Variants in ANK2 observed in about 807,000 individuals in gnomAD.
ANK2 encodes ankyrin 2, also known as ankyrin-2.
Under a neutral mutation model 360.5 loss-of-function variants are expected in ANK2, and 83 were observed. The observed-to-expected ratio is 0.23, with a 90% CI of 0.19 to 0.28. ANK2 has a LOEUF of 0.28. Ranked by LOEUF, ANK2 falls within the 10% of genes least tolerant of loss-of-function variation. The pLI is 1.00. For synonymous variants in ANK2, 1,740 were observed against 1,759.5 expected, an observed-to-expected ratio of 0.99 and a Z score of 0.28; for missense variants, 4,201 against 4,795.7, an observed-to-expected ratio of 0.88 and a Z score of 3.66.
At chr4:113,312,506 C>CT (rs893775935) in intron 24 of ANK2, among the ~76,000 whole-genome samples, 80 of 147,324 alleles carry the variant, frequency 5.4e-4, no homozygotes, top group Middle Eastern at 3.5e-3. Flanking sequence ...CTTCCACTAT[C>CT]TTTTTTTTTT....
chr4:113,061,611 A>G (rs1220345616), intron 1 of ANK2, among the ~76,000 whole-genome samples: 1 of 152,094 alleles, frequency 6.6e-6, no homozygotes, highest in Admixed American at 6.6e-5. Flanking sequence ...TGAGTTTTAG[A>G]TATGAGGCTC....
the ANK2 span, among the ~76,000 whole-genome samples, chr4:112,784,507 C>G: frequency 3.3e-5 from 5 of 152,102 alleles, no homozygotes; most frequent in Admixed American, 2.6e-4. Context: ...CCACTCCCGG[C>G]TAATTTTTTG....
intron 4 of ANK2, among the ~76,000 whole-genome samples, chr4:113,226,044 C>T (rs965285754): frequency 1.3e-5 from 2 of 150,928 alleles, no homozygotes; most frequent in African/African-American, 4.8e-5. Flanking sequence ...AATCGTGAAA[C>T]AGAGTATAAA....
the ANK2 span, among the ~76,000 whole-genome samples, chr4:112,732,156 G>T: frequency 6.6e-6 from 1 of 152,004 alleles, no homozygotes; most frequent in South Asian, 2.1e-4. Flanking sequence ...ACACCACTGG[G>T]TGTATCAGCT....
At chr4:113,162,653 CT>C (rs778379693) in intron 1 of ANK2, among the ~76,000 whole-genome samples, 2 of 151,218 alleles carry the variant, frequency 1.3e-5, no homozygotes, top group Admixed American at 1.3e-4. Context: ...ACACCTATTG[CT>C]TAGACTACTG....
At chr4:113,122,551 G>C (rs2095429018) in intron 1 of ANK2, among the ~76,000 whole-genome samples, 1 of 152,098 alleles carries the variant, frequency 6.6e-6, no homozygotes, top group East Asian at 1.9e-4. Context: ...CAGTATGTCA[G>C]TATTTCCAGA....
chr4:112,751,873 G>A, the ANK2 span, among the ~76,000 whole-genome samples: 1 of 152,168 alleles, frequency 6.6e-6, no homozygotes, highest in African/African-American at 2.4e-5. Context: ...CCCAACAAGG[G>A]ATGTTGCAGC....
At chr4:113,204,865 A>T (rs941169263) in intron 4 of ANK2, among the ~76,000 whole-genome samples, 5 of 152,168 alleles carry the variant, frequency 3.3e-5, no homozygotes, top group Admixed American at 1.3e-4. Context: ...GTGTACTGGG[A>T]GGGCGTATCC....
chr4:113,104,142 A>C lies in ANK2; in HGVS notation c.84+54330A>C, dbSNP rs75513609. On this transcript the variant is annotated intron_variant, in intron 1 of 45. Coordinates refer to ENST00000357077, the MANE Select transcript of ANK2 (RefSeq NM_001148.6). Reference sequence around the variant, plus strand: ...GAGGTAAGAATATAACTCCTACTTAATGTTCCTGTTCCTTAGGTGAAACAC... The same window carrying C: ...GAGGTAAGAATATAACTCCTACTTACTGTTCCTGTTCCTTAGGTGAAACAC... Among the ~76,000 whole-genome samples, 409 of 152,286 alleles carry C rather than the reference A, an allele frequency of 2.7e-3. 10 individuals carry two copies. The East Asian group carries it at 0.041, about 15-fold the overall frequency.
chr4:113,206,322 T>G (rs1459352217), intron 4 of ANK2, among the ~76,000 whole-genome samples: 1 of 152,174 alleles, frequency 6.6e-6, no homozygotes, highest in African/African-American at 2.4e-5. Context: ...CAGCTCTCAC[T>G]TATAAGTGGG....
the ANK2 span, among the ~76,000 whole-genome samples, chr4:112,783,772 C>G: frequency 1.3e-5 from 2 of 151,952 alleles, no homozygotes; most frequent in East Asian, 3.9e-4. Context: ...GCCTCAGCCT[C>G]CCGAATAGCT....
intron 1 of ANK2, among the ~76,000 whole-genome samples, chr4:113,159,367 A>G (rs1365078978): frequency 6.6e-6 from 1 of 152,174 alleles, no homozygotes; most frequent in East Asian, 1.9e-4. Context: ...TCTCCTTCGT[A>G]TCTTGGCCAG....
chr4:113,257,443 A>C (rs891477028), intron 11 of ANK2, among the ~76,000 whole-genome samples: 2 of 152,202 alleles, frequency 1.3e-5, no homozygotes, highest in Non-Finnish European at 2.9e-5. Context: ...TCATTTCTTT[A>C]TACAATAAAA....
At chr4:112,760,573 G>A in the ANK2 span, among the ~76,000 whole-genome samples, 1 of 149,926 alleles carries the variant, frequency 6.7e-6, no homozygotes, top group African/African-American at 2.5e-5. Context: ...TTAAGTTTTA[G>A]GGTACATGTG....
chr4:113,084,785 T>A (rs1561943966), intron 1 of ANK2, among the ~76,000 whole-genome samples: 1 of 152,252 alleles, frequency 6.6e-6, no homozygotes, highest in Non-Finnish European at 1.5e-5. Context: ...ATGAACATTC[T>A]ATGATGCTAA....
At chr4:112,820,896 C>T (rs1200073163) in intron 1 of ANK2, among the ~76,000 whole-genome samples, 5 of 151,802 alleles carry the variant, frequency 3.3e-5, no homozygotes, top group African/African-American at 4.8e-5. Flanking sequence ...GCTGCTATAC[C>T]GGGATAATTT....
chr4:113,261,295 A>G (rs971599569), intron 13 of ANK2, among the ~76,000 whole-genome samples: 1 of 152,196 alleles, frequency 6.6e-6, no homozygotes, highest in Admixed American at 6.5e-5. Context: ...AGTATTCATC[A>G]ATAACCATAG....
intron 21 of ANK2, 25 bp downstream of exon 21, chr4:113,292,539 A>G (rs1374002944): frequency 6.4e-7 from 1 of 1,567,830 alleles, no homozygotes; most frequent in Admixed American, 1.8e-5. Context: ...ACTGCCCCTC[A>G]CCACGCTTTC....
At chr4:113,152,892 T>A (rs1001484882) in intron 1 of ANK2, among the ~76,000 whole-genome samples, 2 of 152,024 alleles carry the variant, frequency 1.3e-5, no homozygotes, top group African/African-American at 4.8e-5. Context: ...CAGGGCAAGA[T>A]GCTGTCTCAA....
Sources: allele counts gnomAD v4.1 joint callset (sites outside exome capture counted in the v4.1 genomes callset), GRCh38; gene constraint gnomAD v4.1.1; transcripts MANE v1.5; gene names NCBI Gene and HGNC (gene_info 2026-07-23, HGNC 2026-07-21).